PTPRD: variants seen among roughly 807,000 people sequenced by gnomAD.
PTPRD encodes protein tyrosine phosphatase receptor type D.
PTPRD carries 34 observed loss-of-function variants against 214.5 expected under a neutral mutation model. The observed-to-expected ratio is 0.16, with a 90% CI of 0.12 to 0.21. PTPRD has a LOEUF of 0.21. Among genes scored for constraint, PTPRD ranks in the 10% least tolerant of loss-of-function variants. The pLI is 1.00. For missense variants in PTPRD, 2,545 were observed against 2,398.7 expected (o/e 1.06, Z -1.27); for synonymous variants, 1,128 against 845.7 (o/e 1.33, Z -5.79).
chr9:10,594,271 T>C (rs934166652), intron 2 of PTPRD, among the ~76,000 whole-genome samples: 3 of 151,624 alleles, frequency 2.0e-5, no homozygotes, highest in East Asian at 1.9e-4. Context: ...AGAAATTATA[T>C]TGCACATGTC....
rs189396247 is a variant in PTPRD at position 9,447,916 on chromosome 9, T to A, written c.-236-50434A>T. ...CCAGATTAAAGAAATGACTGAGTGA[T>A]GAAAGATCAAGGAGATGCTCAGAAG... On this transcript the variant is annotated intron_variant, in intron 8 of 45. Coordinates refer to ENST00000381196, the MANE Select transcript of PTPRD (RefSeq NM_002839.4). Among the ~76,000 whole-genome samples the A allele has an allele frequency of 1.7e-3, 265 of 152,146 alleles. 1 individual carries two copies. Among genetic ancestry groups the A allele is most frequent in the Non-Finnish European group, 1.9e-3 (127 of 67,978 alleles).
intron 2 of PTPRD, among the ~76,000 whole-genome samples, chr9:10,437,964 C>T (rs73406193): frequency 0.044 from 6,151 of 141,138 alleles, 467 homozygotes; most frequent in African/African-American, 0.15. Context: ...ATACACTGTA[C>T]AGAGACAACA....
chr9:9,125,997 T>G (rs895551426), intron 10 of PTPRD, among the ~76,000 whole-genome samples: 2 of 152,062 alleles, frequency 1.3e-5, no homozygotes, highest in African/African-American at 4.8e-5. Flanking sequence ...CTTAGGGTGC[T>G]CCAGGTACAG....
chr9:10,420,562 G>A (rs1453050810), intron 2 of PTPRD, among the ~76,000 whole-genome samples: 1 of 151,742 alleles, frequency 6.6e-6, no homozygotes, highest in Non-Finnish European at 1.5e-5. Flanking sequence ...CGACGGGGGG[G>A]CTGAAGCAGA....
At chr9:9,502,323 GATGTTGATTGTT>G (rs1311997109) in intron 8 of PTPRD, among the ~76,000 whole-genome samples, 1 of 151,772 alleles carries the variant, frequency 6.6e-6, no homozygotes. Flanking sequence ...CTGCTGCTGT[GATGTTGATTGTT>G]TTAGATTCTT....
chr9:8,846,056 C>T (rs1263438731), intron 11 of PTPRD, among the ~76,000 whole-genome samples: 2 of 152,120 alleles, frequency 1.3e-5, no homozygotes, highest in African/African-American at 4.8e-5. Flanking sequence ...GCTACCACAG[C>T]CAGATGTAAA....
intron 8 of PTPRD, among the ~76,000 whole-genome samples, chr9:9,506,316 A>G (rs371002607): frequency 6.6e-6 from 1 of 151,626 alleles, no homozygotes; most frequent in East Asian, 1.9e-4. Flanking sequence ...GAAGCAGTAG[A>G]GGACCTTTAT....
At chr9:9,897,045 T>G (rs2075166475) in intron 5 of PTPRD, among the ~76,000 whole-genome samples, 1 of 151,896 alleles carries the variant, frequency 6.6e-6, no homozygotes, top group African/African-American at 2.4e-5. Context: ...CTTTGGGATT[T>G]GCCATATATC....
chr9:10,431,338 G>T (rs2098676124), intron 2 of PTPRD, among the ~76,000 whole-genome samples: 1 of 151,932 alleles, frequency 6.6e-6, no homozygotes, highest in South Asian at 2.1e-4. Flanking sequence ...AACCCTAGAA[G>T]AAAACCTAGG....
chr9:9,441,044 C>T (rs1310337121), intron 8 of PTPRD, among the ~76,000 whole-genome samples: 2 of 152,160 alleles, frequency 1.3e-5, no homozygotes, highest in Admixed American at 1.3e-4. Context: ...CCTCATTGGG[C>T]CAAAATGGCT....
chr9:10,242,390 C>A (rs1595131705), intron 3 of PTPRD, among the ~76,000 whole-genome samples: 1 of 151,970 alleles, frequency 6.6e-6, no homozygotes, highest in Admixed American at 6.6e-5. Context: ...TAGAATAGGG[C>A]AGCGCCAAAA....
chr9:8,498,131 G>A (rs981487869), intron 25 of PTPRD, among the ~76,000 whole-genome samples: 3 of 152,132 alleles, frequency 2.0e-5, no homozygotes, highest in African/African-American at 7.2e-5. Context: ...AGATAAGTGA[G>A]CAATGAATCC....
At chr9:10,251,345 GTCATA>G (rs1359962263) in intron 3 of PTPRD, among the ~76,000 whole-genome samples, 1 of 151,332 alleles carries the variant, frequency 6.6e-6, no homozygotes, top group Non-Finnish European at 1.5e-5. Flanking sequence ...GTAAATCAAG[GTCATA>G]TGGCTAAATA....
Position 8,724,901 on chromosome 9 carries a change from G to A in PTPRD, c.64+8879C>T, listed in dbSNP as rs62528777. 6.8e-3 allele frequency among the ~76,000 whole-genome samples: 1,033 copies of A among 152,274 alleles called. 10 individuals are homozygous for A. Among genetic ancestry groups the A allele is most frequent in the Non-Finnish European group, 8.4e-3 (573 of 68,020 alleles). ...TGCAGTGAGCCGAGATCGCGTCACT[G>A]CACTCCAGCCTGGATAACAGAGTGA... On this transcript the variant is annotated intron_variant, in intron 12 of 45. Transcript: ENST00000381196.
chr9:10,199,953 A>T (rs2099413060), intron 3 of PTPRD, among the ~76,000 whole-genome samples: 1 of 152,032 alleles, frequency 6.6e-6, no homozygotes, highest in African/African-American at 2.4e-5. Context: ...TACTGAGGAA[A>T]TAACAAATAT....
intron 10 of PTPRD, among the ~76,000 whole-genome samples, chr9:9,124,194 G>A (rs764330235): frequency 3.3e-5 from 5 of 152,128 alleles, no homozygotes; most frequent in African/African-American, 4.8e-5. Flanking sequence ...TGCCATAGAT[G>A]CCTTTGATGC....
At chr9:10,445,927 G>T (rs566736191) in intron 2 of PTPRD, among the ~76,000 whole-genome samples, 3 of 152,180 alleles carry the variant, frequency 2.0e-5, no homozygotes, top group African/African-American at 7.2e-5. Flanking sequence ...TGGTTTGCTT[G>T]TTGGTTTCTT....
chr9:9,623,315 T>C (rs151110065), intron 7 of PTPRD, among the ~76,000 whole-genome samples: 4 of 152,302 alleles, frequency 2.6e-5, no homozygotes, highest in African/African-American at 9.6e-5. Flanking sequence ...AGTTCATCAC[T>C]TCTTTAACTC....
intron 35 of PTPRD, among the ~76,000 whole-genome samples, chr9:8,433,030 A>G (rs1325472111): frequency 6.6e-6 from 1 of 152,256 alleles, no homozygotes; most frequent in Admixed American, 6.5e-5. Context: ...CACATTTAAA[A>G]GAGGCCAGTT....
Sources: gnomAD v4.1 joint callset for allele counts (sites outside exome capture counted in the v4.1 genomes callset) on GRCh38, gnomAD v4.1.1 for gene constraint, MANE v1.5 for transcripts, NCBI Gene and HGNC (gene_info 2026-07-23, HGNC 2026-07-21) for gene names.